Variants in MAPKAPK5 observed in about 807,000 individuals in gnomAD.
MAPKAPK5 encodes the protein MAPK activated protein kinase 5.
A neutral mutation model predicts 65.1 loss-of-function variants in MAPKAPK5; 30 were observed. The ratio of observed to expected loss-of-function variants is 0.46; its 90% CI spans 0.34 to 0.63. The LOEUF (loss-of-function observed/expected upper bound fraction) is 0.63. Ranked by LOEUF, MAPKAPK5 falls within the 20% of genes least tolerant of loss-of-function variation. The probability of loss-of-function intolerance (pLI) is 0.01; values close to 1 mark genes in which losing one functional copy is unlikely to be tolerated. For missense variants in MAPKAPK5, 433 were observed against 581.4 expected, an observed-to-expected ratio of 0.74 and a Z score of 2.63; for synonymous variants, 179 against 204.6, an observed-to-expected ratio of 0.87 and a Z score of 1.07.
rs913672982 is a variant in MAPKAPK5 at position 111,880,363 on chromosome 12, C to A, written c.580-84C>A. 7 of 1,082,882 alleles carry A rather than the reference C, an allele frequency of 6.5e-6. No homozygotes were observed. In the Admixed American group the frequency reaches 1.2e-4, roughly 19 times the overall value. 67.1% of individuals were successfully genotyped at this position (1,082,882 alleles called of 1,614,324 possible). A position where few individuals can be genotyped will look rare whatever the true frequency, so the allele number is the denominator to read the frequency against. On this transcript the variant is annotated intron_variant, in intron 7 of 13. Transcript: ENST00000550735. ...CTGATTGCCAGTTGTTTACCTCCTT[C>A]AGTCTCATAGTAGCCTGTCTCAAGG...
intron 7 of MAPKAPK5, among the ~76,000 whole-genome samples, chr12:111,874,830 A>T (rs2069908750): frequency 7.1e-6 from 1 of 140,432 alleles, no homozygotes; most frequent in Non-Finnish European, 1.5e-5. Flanking sequence ...GCTGGAGTGC[A>T]GTGGCGCAAT....
intron 7 of MAPKAPK5, among the ~76,000 whole-genome samples, chr12:111,877,153 G>A (rs997116795): frequency 1.3e-5 from 2 of 152,144 alleles, no homozygotes; most frequent in Admixed American, 6.5e-5. Context: ...GAGTAGCTGG[G>A]ATTAAAGGCA....
At chr12:111,877,435 G>A (rs1235305398) in intron 7 of MAPKAPK5, among the ~76,000 whole-genome samples, 3 of 152,028 alleles carry the variant, frequency 2.0e-5, no homozygotes, top group Non-Finnish European at 4.4e-5. Context: ...GGTATGGTCA[G>A]TCTTTTTTAT....
At chr12:111,888,706 C>CT (rs899425625) in intron 11 of MAPKAPK5, 88 bp downstream of exon 11, 23 of 1,567,492 alleles carry the variant, frequency 1.5e-5, no homozygotes, top group Non-Finnish European at 1.9e-5. Flanking sequence ...ACTTGCTCAG[C>CT]TAGGGGTCTT....
intron 10 of MAPKAPK5, among the ~76,000 whole-genome samples, chr12:111,886,366 A>G (rs138206884): frequency 9.8e-4 from 150 of 152,346 alleles, no homozygotes; most frequent in African/African-American, 3.4e-3. Flanking sequence ...CAAGGCCAAT[A>G]AACATGAAAC....
intron 1 of MAPKAPK5, among the ~76,000 whole-genome samples, chr12:111,844,806 T>C (rs1195992781): frequency 2.0e-5 from 3 of 152,170 alleles, no homozygotes; most frequent in African/African-American, 7.2e-5. Context: ...CACCACTGTC[T>C]CAGGGAAGAG....
chr12:111,887,464 A>G (rs2070440778), intron 10 of MAPKAPK5: 1 of 152,156 alleles, frequency 6.6e-6, no homozygotes, highest in Non-Finnish European at 1.5e-5. Context: ...CTTGAGGTCA[A>G]GAGTTCCAGA....
At position 111,901,614 on chromosome 12, in the gene MAPKAPK5, C is replaced by A; in HGVS notation, c.*8553C>A. 3.5e-6 allele frequency: 1 copy of A among 284,776 alleles called. No homozygotes were observed. The highest frequency in any genetic ancestry group is 6.9e-6 in the Non-Finnish European group (1 of 144,570). The allele number at this position is 284,776 out of a possible 1,614,324, so 17.6% of individuals were successfully genotyped here. On this transcript the variant is annotated 3_prime_UTR_variant, in exon 14 of 14. Coordinates refer to ENST00000550735, the MANE Select transcript of MAPKAPK5 (RefSeq NM_003668.4). The stretch of plus-strand genomic sequence containing the variant: ...CCGGCCCCAGAAATAAAGCCAGAAG[C>A]AGCAGAAGTGGCCACAGAAGAAAAA...
At chr12:111,870,699 A>G (rs540691878) in intron 6 of MAPKAPK5, among the ~76,000 whole-genome samples, 1 of 152,134 alleles carries the variant, frequency 6.6e-6, no homozygotes, top group Non-Finnish European at 1.5e-5. Flanking sequence ...CCCCTGCCCC[A>G]TGTCTCACCA....
chr12:111,849,523 A>G (rs1467609716), intron 1 of MAPKAPK5, among the ~76,000 whole-genome samples: 2 of 151,874 alleles, frequency 1.3e-5, no homozygotes, highest in Non-Finnish European at 2.9e-5. Context: ...CGGCCTCCCA[A>G]AGTGCTGGGA....
At chr12:111,870,208 C>A in intron 5 of MAPKAPK5, 63 bp from the exon 6 acceptor site, 1 of 1,145,790 alleles carries the variant, frequency 8.7e-7, no homozygotes, top group Non-Finnish European at 1.3e-6. Context: ...GAGTTCTCTA[C>A]GCCAGGTGTA....
chr12:111,862,714 A>C (rs1042673787), intron 1 of MAPKAPK5, among the ~76,000 whole-genome samples: 1 of 152,108 alleles, frequency 6.6e-6, no homozygotes. Flanking sequence ...AATAAGTACA[A>C]TGGAGAATTT....
rs2070846375 is a variant in MAPKAPK5, at chr12:111,897,010, T to TA, written c.*3951dup. 6.6e-6 allele frequency: 1 copy of TA among 152,326 alleles called. No individual in the cohort carries two copies. Among genetic ancestry groups the TA allele is most frequent in the African/African-American group, 2.4e-5 (1 of 41,444 alleles). 9.4% of individuals were successfully genotyped at this position (152,326 alleles called of 1,614,324 possible). On this transcript the variant is annotated 3_prime_UTR_variant, in exon 14 of 14. Coordinates refer to ENST00000550735, the MANE Select transcript of MAPKAPK5 (RefSeq NM_003668.4). The stretch of plus-strand genomic sequence containing the variant: ...AGCCAGGCATGGTGGCACATGCCTG[T>TA]AATCCCAGCTGCTCGGGAGGCTGAG...
In MAPKAPK5 at chr12:111,898,565, T is replaced by TAAC. The variant is rs2136180861; in HGVS notation, c.*5506_*5508dup. On this transcript the variant is annotated 3_prime_UTR_variant, in exon 14 of 14. Transcript: ENST00000550735. ...TGGTGAAACTTGAGCCCATTTTACT[T>TAAC]AACACAATATATCCGTGCATTAGGA... is the stretch of plus-strand genomic sequence containing the variant. 1 of 152,286 alleles carries TAAC rather than the reference T, an allele frequency of 6.6e-6. No individual in the cohort carries two copies. The highest frequency in any genetic ancestry group is 2.1e-4 in the South Asian group (1 of 4,826). The allele number at this position is 152,286 out of a possible 1,614,324, so 9.4% of individuals were successfully genotyped here.
rs1461968606 is a variant in MAPKAPK5, at chr12:111,901,634, G to T, written c.*8573G>T. The T allele has an allele frequency of 3.8e-6, 1 of 266,632 alleles. No homozygotes were observed. The highest frequency in any genetic ancestry group is 2.3e-5 in the African/African-American group (1 of 43,724). The allele number at this position is 266,632 out of a possible 1,614,324, so 16.5% of individuals were successfully genotyped here. A position where few individuals can be genotyped will look rare whatever the true frequency, so the allele number is the denominator to read the frequency against. ...AGAAGCAGCAGAAGTGGCCACAGAA[G>T]AAAAAGAAGAGAAGGAGGAAGAAAA... On this transcript the variant is annotated 3_prime_UTR_variant, in exon 14 of 14. Transcript: ENST00000550735.
At chr12:111,863,407 A>G (rs2069506030) in intron 1 of MAPKAPK5, among the ~76,000 whole-genome samples, 1 of 152,140 alleles carries the variant, frequency 6.6e-6, no homozygotes, top group Non-Finnish European at 1.5e-5. Flanking sequence ...GGAGATGAAG[A>G]CTTTCCAAGC....
chr12:111,878,002 C>CTT (rs35586161), intron 7 of MAPKAPK5, among the ~76,000 whole-genome samples: 8 of 140,452 alleles, frequency 5.7e-5, no homozygotes, highest in South Asian at 2.2e-4. Context: ...GACTCTGACT[C>CTT]TTTTTTTTTT....
At chr12:111,850,071 C>G (rs1042961582) in intron 1 of MAPKAPK5, among the ~76,000 whole-genome samples, 14 of 151,924 alleles carry the variant, frequency 9.2e-5, no homozygotes, top group African/African-American at 3.4e-4. Flanking sequence ...CTCTGTTGAC[C>G]AGGCTGGAGT....
Position 111,881,402 on chromosome 12 carries a change from C to CTTTTTTTTTTTTTTTTT in MAPKAPK5, c.660+875_660+876insTTTTTTTTTTTTTTTTT, listed in dbSNP as rs1274226182. ...AGCCCACATATTGATCCTGTCTGTT[C>CTTTTTTTTTTTTTTTTT]CTTTTTTTTTTTTTTTTTTTGAGAC... On this transcript the variant is annotated intron_variant, in intron 8 of 13. Coordinates refer to ENST00000550735, the MANE Select transcript of MAPKAPK5 (RefSeq NM_003668.4). 8.1e-3 allele frequency among the ~76,000 whole-genome samples: 949 copies of CTTTTTTTTTTTTTTTTT among 116,562 alleles called. 94 individuals carry two copies. The highest frequency in any genetic ancestry group is 0.017 in the Middle Eastern group (3 of 172). 76.5% of individuals were successfully genotyped at this position (116,562 alleles called of 152,430 possible).
Sources: allele counts gnomAD v4.1 joint callset (sites outside exome capture counted in the v4.1 genomes callset), GRCh38; gene constraint gnomAD v4.1.1; transcripts MANE v1.5; gene names NCBI Gene and HGNC (gene_info 2026-07-23, HGNC 2026-07-21).